Variants in CMIP observed in about 807,000 individuals in gnomAD.
The protein encoded by CMIP is C-Maf-inducing protein.
CMIP carries 13 observed loss-of-function variants against 97.3 expected under a neutral mutation model. The observed-to-expected ratio is 0.13, with a 90% CI of 0.09 to 0.21. The LOEUF (loss-of-function observed/expected upper bound fraction) is 0.21. Ranked by LOEUF, CMIP falls within the 10% of genes least tolerant of loss-of-function variation. The pLI, the probability that CMIP is intolerant of heterozygous loss-of-function variation, is 1.00. For synonymous variants in CMIP, 538 were observed against 436.3 expected, an observed-to-expected ratio of 1.23 and a Z score of -2.91; for missense variants, 847 against 1,024.9, an observed-to-expected ratio of 0.83 and a Z score of 2.37.
intron 1 of CMIP, among the ~76,000 whole-genome samples, chr16:81,604,175 C>T (rs1177273459): frequency 1.3e-5 from 2 of 151,660 alleles, no homozygotes; most frequent in East Asian, 1.9e-4. Context: ...AGGAGGATCA[C>T]CTGAGGTCAG....
intron 1 of CMIP, among the ~76,000 whole-genome samples, chr16:81,525,693 C>T (rs560065002): frequency 9.2e-5 from 14 of 152,248 alleles, no homozygotes; most frequent in African/African-American, 3.4e-4. Flanking sequence ...TGTCATGCGA[C>T]CATCCACCAT....
Position 81,652,324 on chromosome 16 carries a change from A to T in CMIP, c.599A>T (p.Asn200Ile). The change falls in exon 4 of 21, where the codon AAC (asparagine) becomes ATC (isoleucine). Residue 200 changes from asparagine to isoleucine, a missense_variant. Asn to Ile is a moderately radical substitution (Grantham distance 149, BLOSUM62 -3). Around this residue, in one of 4 missense-constraint regions of CMIP, gnomAD observed 285 missense variants for 392.2 expected, o/e 0.73. Transcript: ENST00000537098. The surrounding 1 kb of genome is among the most constrained non-coding windows in gnomAD (Gnocchi z 5.2). Reference protein sequence around the residue: ...LTSPLQDDSINQAPLEIVSKL... With the variant: ...LTSPLQDDSIIQAPLEIVSKL... Reference sequence around the variant, plus strand: ...TCCCCCCTGCAGGATGACTCCATCAACCAGGCCCCACTGGAAATCGTCTCG... The same window carrying T: ...TCCCCCCTGCAGGATGACTCCATCATCCAGGCCCCACTGGAAATCGTCTCG... 1.2e-6 allele frequency: 2 copies of T among 1,613,946 alleles called. No individual in the cohort carries two copies. Among genetic ancestry groups the T allele is most frequent in the East Asian group, 2.2e-5 (1 of 44,886 alleles).
chr16:81,491,904 C>T (rs576204509), intron 1 of CMIP, among the ~76,000 whole-genome samples: 62 of 152,328 alleles, frequency 4.1e-4, no homozygotes, highest in Admixed American at 7.8e-4. Flanking sequence ...GCGGAGATGA[C>T]GTTTTACCTA....
chr16:81,576,835 G>T (rs1468464276), intron 1 of CMIP, among the ~76,000 whole-genome samples: 1 of 152,132 alleles, frequency 6.6e-6, no homozygotes, highest in African/African-American at 2.4e-5. Context: ...GTTCTCATCT[G>T]TAAAATGGAA....
At chr16:81,672,175 G>A in intron 9 of CMIP, 105 bp downstream of exon 9, 1 of 668,764 alleles carries the variant, frequency 1.5e-6, no homozygotes, top group Non-Finnish European at 2.7e-6. Flanking sequence ...GAGGTGGAGT[G>A]GCTGTTTACT....
chr16:81,614,992 G>T lies in CMIP; in HGVS notation c.427-5884G>T, dbSNP rs1033250436. ...GTGATATGTGACGTGTGTGTGTGGTGTATGTGTCTATATGTGATGTCTCTG... is the reference window on the plus strand; with the variant it reads ...GTGATATGTGACGTGTGTGTGTGGTTTATGTGTCTATATGTGATGTCTCTG... On this transcript the variant is annotated intron_variant, in intron 2 of 20. Coordinates refer to ENST00000537098, the MANE Select transcript of CMIP (RefSeq NM_198390.3). The surrounding 1 kb of genome is among the most constrained non-coding windows in gnomAD (Gnocchi z 5.3). 5.3e-5 allele frequency among the ~76,000 whole-genome samples: 8 copies of T among 150,324 alleles called. No individual in the cohort carries two copies. The highest frequency in any genetic ancestry group is 2.0e-4 in the African/African-American group (8 of 40,864).
At chr16:81,546,026 C>T (rs1024973864) in intron 1 of CMIP, among the ~76,000 whole-genome samples, 3 of 152,136 alleles carry the variant, frequency 2.0e-5, no homozygotes, top group Non-Finnish European at 4.4e-5. Context: ...GCAAATGGCG[C>T]TCGCTGTGAA....
chr16:81,483,779 A>G (rs2089271023), intron 1 of CMIP, among the ~76,000 whole-genome samples: 1 of 152,186 alleles, frequency 6.6e-6, no homozygotes, highest in Non-Finnish European at 1.5e-5. Flanking sequence ...TGCTATTTAT[A>G]TAGCACAGTG....
chr16:81,526,539 AAG>A (rs1288793998), intron 1 of CMIP, among the ~76,000 whole-genome samples: 2 of 152,228 alleles, frequency 1.3e-5, no homozygotes, highest in African/African-American at 4.8e-5. Flanking sequence ...TGGATTAATA[AAG>A]AGGGGATCTG....
intron 3 of CMIP, among the ~76,000 whole-genome samples, chr16:81,640,690 G>A (rs1375512380): frequency 9.2e-5 from 14 of 151,590 alleles, no homozygotes; most frequent in South Asian, 2.1e-4. Context: ...TCCTTGATGC[G>A]CCTTGGCATC....
At chr16:81,543,761 A>G (rs938779133) in intron 1 of CMIP, among the ~76,000 whole-genome samples, 1 of 152,176 alleles carries the variant, frequency 6.6e-6, no homozygotes, top group African/African-American at 2.4e-5. Context: ...AGAAATTTTT[A>G]TTTGGCTCAG....
intron 13 of CMIP, among the ~76,000 whole-genome samples, chr16:81,694,645 G>T (rs1906492453): frequency 6.6e-6 from 1 of 152,168 alleles, no homozygotes; most frequent in African/African-American, 2.4e-5. Flanking sequence ...TCAAAAGGCA[G>T]ACCCCCCTGC....
intron 1 of CMIP, among the ~76,000 whole-genome samples, chr16:81,485,050 C>T (rs1027164400): frequency 6.6e-5 from 10 of 152,128 alleles, no homozygotes; most frequent in African/African-American, 2.4e-4. Flanking sequence ...TAAAAAATGT[C>T]CTGATGCCTG....
intron 1 of CMIP, among the ~76,000 whole-genome samples, chr16:81,504,083 G>T (rs939475789): frequency 3.7e-4 from 57 of 152,310 alleles, no homozygotes; most frequent in African/African-American, 1.3e-3. Context: ...TCCAGCACTT[G>T]GGAAGGCCGA....
At chr16:81,692,587 A>G (rs949882975) in intron 11 of CMIP, among the ~76,000 whole-genome samples, 3 of 152,228 alleles carry the variant, frequency 2.0e-5, no homozygotes, top group South Asian at 4.1e-4. Flanking sequence ...GGCACATTAC[A>G]CGCAGTAATT....
intron 1 of CMIP, among the ~76,000 whole-genome samples, chr16:81,567,670 C>T (rs1233636029): frequency 1.3e-5 from 2 of 152,208 alleles, no homozygotes; most frequent in African/African-American, 4.8e-5. Context: ...GTATGCCACG[C>T]CGCCCTCAGG....
intron 1 of CMIP, chr16:81,476,053 G>T: frequency 1.4e-6 from 1 of 714,728 alleles, no homozygotes; most frequent in Non-Finnish European, 2.6e-6. Context: ...TAGCAATAGT[G>T]ATCTTCTTGC....
At chr16:81,591,429 A>T (rs2091465369) in intron 1 of CMIP, among the ~76,000 whole-genome samples, 1 of 152,174 alleles carries the variant, frequency 6.6e-6, no homozygotes, top group Non-Finnish European at 1.5e-5. Context: ...GCTTGTGAGA[A>T]CCCAGAGGCA....
At chr16:81,506,828 C>T (rs147476907) in intron 1 of CMIP, among the ~76,000 whole-genome samples, 386 of 151,834 alleles carry the variant, frequency 2.5e-3, no homozygotes, top group Non-Finnish European at 4.7e-3. Context: ...TCACTTGAAC[C>T]CAGGAGGCGG....
Sources: gnomAD v4.1 joint callset for allele counts (sites outside exome capture counted in the v4.1 genomes callset) on GRCh38, gnomAD v4.1.1 for gene constraint, gnomAD v4.1.1 regional missense constraint, Gnocchi (gnomAD v3.1) non-coding constraint, MANE v1.5 for transcripts, NCBI Gene and HGNC (gene_info 2026-07-23, HGNC 2026-07-21) for gene names.